SNX8: variants seen among roughly 807,000 people sequenced by gnomAD.
SNX8 encodes sorting nexin-8.
In SNX8, 25 loss-of-function variants were observed where a neutral mutation model predicts 51.6. That is an observed-to-expected ratio of 0.48 (90% CI 0.35 to 0.68). SNX8 has a LOEUF of 0.68. SNX8 is among the 30% of genes least tolerant of loss of function. The pLI is 0.00. For synonymous variants in SNX8, 324 were observed against 277.0 expected (o/e 1.17, Z -1.68); for missense variants, 695 against 624.0 (o/e 1.11, Z -1.21).
At chr7:2,329,864 G>T (rs1447703216) in intron 1 of SNX8, among the ~76,000 whole-genome samples, 1 of 147,360 alleles carries the variant, frequency 6.8e-6, no homozygotes, top group Non-Finnish European at 1.5e-5. Flanking sequence ...GTCTCGCTCT[G>T]TTCCCCAGGC....
At chr7:2,279,499 C>T (rs1297857894) in intron 1 of SNX8, among the ~76,000 whole-genome samples, 2 of 152,272 alleles carry the variant, frequency 1.3e-5, no homozygotes, top group Middle Eastern at 6.8e-3. Flanking sequence ...CGCCTGTAAT[C>T]CTGGGACTTG....
chr7:2,315,794 G>GCATT (rs1230709240), upstream of SNX8, among the ~76,000 whole-genome samples: 1 of 129,012 alleles, frequency 7.8e-6, no homozygotes, highest in Non-Finnish European at 1.6e-5. Context: ...ACTGCATCCT[G>GCATT]CATTCATTCA....
intron 1 of SNX8, among the ~76,000 whole-genome samples, chr7:2,332,765 AGG>A: frequency 6.7e-6 from 1 of 148,850 alleles, no homozygotes; most frequent in East Asian, 2.0e-4. Context: ...GAAGGAAGGA[AGG>A]AAGGAGGGAA....
intron 6 of SNX8, 77 bp from the exon 7 acceptor site, chr7:2,263,439 C>T (rs2286208): frequency 0.015 from 20,576 of 1,414,054 alleles, 438 homozygotes; most frequent in East Asian, 0.076. Flanking sequence ...GCATCCCCCC[C>T]GACAGATGTC....
At chr7:2,257,559 G>GC (rs1562419925) in intron 8 of SNX8, 45 bp from the exon 9 acceptor site, 1 of 1,595,480 alleles carries the variant, frequency 6.3e-7, no homozygotes, top group East Asian at 2.2e-5. Flanking sequence ...GGATGCCTGC[G>GC]CCAGGGCCCT....
At chr7:2,344,264 T>C (rs1202710457) in intron 1 of SNX8, among the ~76,000 whole-genome samples, 1 of 151,734 alleles carries the variant, frequency 6.6e-6, no homozygotes, top group Non-Finnish European at 1.5e-5. Context: ...GGAAGATCGC[T>C]TGAGCTCAGG....
intron 10 of SNX8, among the ~76,000 whole-genome samples, chr7:2,256,347 T>C (rs562491940): frequency 1.9e-4 from 29 of 152,304 alleles, no homozygotes; most frequent in African/African-American, 6.3e-4. Context: ...AGCTACTTAA[T>C]AAACTTAATT....
At chr7:2,257,143 A>G (rs1795206295) in intron 9 of SNX8, 120 bp from the exon 10 acceptor site, 3 of 1,292,572 alleles carry the variant, frequency 2.3e-6, no homozygotes, top group South Asian at 3.0e-5. Context: ...TTCACCAGGC[A>G]TTTGGAAGGT....
Position 2,302,500 on chromosome 7 carries a change from T to C in SNX8, c.94+11828A>G, listed in dbSNP as rs540958320. Among the ~76,000 whole-genome samples, 515 of 152,236 alleles carry C rather than the reference T, an allele frequency of 3.4e-3. 5 individuals are homozygous for C. The highest frequency in any genetic ancestry group is 0.012 in the African/African-American group (500 of 41,566). Reference sequence around the variant, plus strand: ...GCCTTGGCCTCCCAAAGTGCCGAGATTGCAGCCTCTGCCCGGCCACCACCC... The same window carrying C: ...GCCTTGGCCTCCCAAAGTGCCGAGACTGCAGCCTCTGCCCGGCCACCACCC... On this transcript the variant is annotated intron_variant, in intron 1 of 10. Coordinates refer to ENST00000222990, the MANE Select transcript of SNX8 (RefSeq NM_013321.4).
At chr7:2,279,762 G>GAA (rs796698660) in intron 1 of SNX8, among the ~76,000 whole-genome samples, 8 of 95,016 alleles carry the variant, frequency 8.4e-5, no homozygotes, top group East Asian at 3.8e-4. Flanking sequence ...CAAAAAAAAA[G>GAA]AAAAAAAAAA....
chr7:2,317,073 G>T (rs113173802), upstream of SNX8, among the ~76,000 whole-genome samples: 1,332 of 152,034 alleles, frequency 8.8e-3, 18 homozygotes, highest in African/African-American at 0.031. Flanking sequence ...CCCTGGATGG[G>T]TGGTACCAGA....
At position 2,255,084 on chromosome 7, in the gene SNX8, G is replaced by C; in HGVS notation, c.1370C>G (p.Pro457Arg). 1 of 1,577,966 alleles carries C rather than the reference G, an allele frequency of 6.3e-7. No individual in the cohort carries two copies. Among genetic ancestry groups the C allele is most frequent in the Non-Finnish European group, 8.6e-7 (1 of 1,162,436 alleles). Residue 457 changes from proline (P) to arginine (R), a missense_variant, in exon 11 of 11, where the codon CCG (proline) becomes CGG (arginine). Physicochemically the swap from Pro to Arg is moderately radical, Grantham distance 103. Transcript: ENST00000222990. ...GTGAGGACACAGGCCGTCCTCCGGCGGGGAGCACGGTGGGGTCAGGGTGCT... is the reference window on the plus strand; with the variant it reads ...GTGAGGACACAGGCCGTCCTCCGGCCGGGAGCACGGTGGGGTCAGGGTGCT... ...PHSTLTPPCS[P>R]PEDGLCPH
intron 7 of SNX8, among the ~76,000 whole-genome samples, chr7:2,258,903 G>A (rs1795266689): frequency 6.6e-6 from 1 of 152,150 alleles, no homozygotes; most frequent in Non-Finnish European, 1.5e-5. Flanking sequence ...CACGGCAGAG[G>A]GATGCCCTGC....
intron 1 of SNX8, among the ~76,000 whole-genome samples, chr7:2,303,580 A>G (rs1238544122): frequency 2.0e-5 from 3 of 152,188 alleles, no homozygotes; most frequent in Non-Finnish European, 4.4e-5. Flanking sequence ...AGAAGTAGAC[A>G]TGGGAGACTT....
intron 1 of SNX8, among the ~76,000 whole-genome samples, chr7:2,335,375 G>A (rs150599469): frequency 5.3e-5 from 8 of 152,210 alleles, no homozygotes; most frequent in East Asian, 1.9e-4. Flanking sequence ...CTAGCCGGGC[G>A]TGGTGGCTCA....
Position 2,257,000 on chromosome 7 carries a change from C to T in SNX8, c.1158G>A (p.Met386Ile), listed in dbSNP as rs569863050. ...IVEQENAIQT[M>I]ELRNYFSLYC... Reference sequence around the variant, plus strand: ...ACAGGGAGAAGTAGTTCCGCAGCTCCATCGTCTGAATCGCGTTCTCCTGCT... The same window carrying T: ...ACAGGGAGAAGTAGTTCCGCAGCTCTATCGTCTGAATCGCGTTCTCCTGCT... The change falls in exon 10 of 11, where the codon ATG becomes ATA. Residue 386 changes from methionine to isoleucine, a missense_variant. Coordinates refer to ENST00000222990, the MANE Select transcript of SNX8 (RefSeq NM_013321.4). 2.5e-6 allele frequency: 4 copies of T among 1,610,442 alleles called. No individual in the cohort carries two copies. In the African/African-American group the frequency reaches 4.0e-5, roughly 16 times the overall value.
intron 1 of SNX8, among the ~76,000 whole-genome samples, chr7:2,300,575 G>C (rs562978977): frequency 3.4e-4 from 52 of 152,008 alleles, no homozygotes; most frequent in African/African-American, 7.7e-4. Flanking sequence ...ACCATGCCTG[G>C]CTAATTTTTT....
In SNX8 at chr7:2,291,632, G is replaced by C. The variant is rs1487993605; in HGVS notation, c.95-13327C>G. Among the ~76,000 whole-genome samples the C allele has an allele frequency of 3.3e-5, 5 of 151,688 alleles. No individual in the cohort carries two copies. The East Asian group carries it at 9.7e-4, about 29-fold the overall frequency. ...AAAGAAAAAAAAAAAAAGGAAACCA[G>C]TCTCGGAAGACCCAACCCCCTGGTC... On this transcript the variant is annotated intron_variant, in intron 1 of 10. Transcript: ENST00000222990.
intron 7 of SNX8, among the ~76,000 whole-genome samples, chr7:2,258,226 G>C (rs748195385): frequency 1.0e-3 from 154 of 152,058 alleles, no homozygotes; most frequent in Admixed American, 5.5e-3. Flanking sequence ...CCGTGTTAGC[G>C]AGGATGGTCT....
Sources: allele counts gnomAD v4.1 joint callset (sites outside exome capture counted in the v4.1 genomes callset), GRCh38; gene constraint gnomAD v4.1.1; transcripts MANE v1.5; gene names NCBI Gene and HGNC (gene_info 2026-07-23, HGNC 2026-07-21).